Variants in PANK4 observed in about 807,000 individuals in gnomAD.
The protein encoded by PANK4 is 4'-phosphopantetheine phosphatase.
A neutral mutation model predicts 87.9 loss-of-function variants in PANK4; 40 were observed. The ratio of observed to expected loss-of-function variants is 0.46; its 90% CI spans 0.35 to 0.59. PANK4 has a LOEUF of 0.59. PANK4 is among the 20% of genes least tolerant of loss of function. PANK4 has a pLI of 0.00. For missense variants in PANK4, 926 were observed against 1,072.3 expected (o/e 0.86, Z 1.90); for synonymous variants, 524 against 467.4 (o/e 1.12, Z -1.56).
chr1:2,514,665 C>T (rs1570537502), intron 10 of PANK4, among the ~76,000 whole-genome samples, 199 bp from the exon 11 acceptor site: 1 of 56,024 alleles, frequency 1.8e-5, no homozygotes, highest in South Asian at 5.6e-4. Context: ...TGGGGGCTAG[C>T]TATGGGGGGC....
chr1:2,512,037 C>G (rs989490878), intron 13 of PANK4, among the ~76,000 whole-genome samples: 7 of 152,234 alleles, frequency 4.6e-5, no homozygotes, highest in African/African-American at 1.7e-4. Context: ...TCTGAGAGAG[C>G]ACAGGCTGTT....
At chr1:2,514,891 A>C (rs2477713) in intron 10 of PANK4, among the ~76,000 whole-genome samples, 2 of 151,836 alleles carry the variant, frequency 1.3e-5, no homozygotes, top group Admixed American at 1.3e-4. Flanking sequence ...ACCCGAGGCC[A>C]AGACCCACGT....
intron 13 of PANK4, among the ~76,000 whole-genome samples, 195 bp from the exon 14 acceptor site, chr1:2,511,878 G>C (rs1332621427): frequency 1.3e-5 from 2 of 152,084 alleles, no homozygotes; most frequent in African/African-American, 4.8e-5. Flanking sequence ...AGGCAGGACA[G>C]AGGCAGCTGC....
rs781554595 is a variant in PANK4 at position 2,514,032 on chromosome 1, G to C, written c.1545C>G (p.Asn515Lys). ...AGTAGGGATCCGGGAAGTTGAACTC[G>C]TTCAGACAGTGCTCCCTGGTGTCCA... ...SLLDTREHCL[N>K]EFNFPDPYSK... is the part of the protein sequence containing the mutation. Residue 515 changes from asparagine (N) to lysine (K), a missense_variant, in exon 12 of 19, where the codon AAC becomes AAG. Transcript: ENST00000378466. 3 of 1,612,796 alleles carry C rather than the reference G, an allele frequency of 1.9e-6. No individual in the cohort carries two copies. The South Asian group carries it at 3.3e-5, about 18-fold the overall frequency.
At chr1:2,525,958 C>T (rs2100803306) in intron 1 of PANK4, 1 of 152,320 alleles carries the variant, frequency 6.6e-6, no homozygotes, top group African/African-American at 2.4e-5. Context: ...CACAGCTGGC[C>T]ACGCCGCGGG....
chr1:2,511,547 C>T, intron 14 of PANK4, 81 bp downstream of exon 14: 1 of 1,160,010 alleles, frequency 8.6e-7, no homozygotes, highest in Non-Finnish European at 1.3e-6. Context: ...ACCCCGACCG[C>T]AACTGCATTC....
Position 2,519,331 on chromosome 1 carries a change from A to C in PANK4, c.854-7T>G, listed in dbSNP as rs530601132. On this transcript the variant is annotated splice_polypyrimidine_tract_variant and splice_region_variant and intron_variant, in intron 6 of 18. Transcript: ENST00000378466. The surrounding 1 kb of genome is among the most constrained non-coding windows in gnomAD (Gnocchi z 8.3). ...ATGTCTTCTTTGGAGAACTCTGAGG[A>C]AGGGAAGGAAAAGGCACTCATCTCC... is the stretch of plus-strand genomic sequence containing the variant. 601 of 1,596,494 alleles carry C rather than the reference A, an allele frequency of 3.8e-4. 7 individuals carry two copies. In the South Asian group the frequency reaches 6.2e-3, roughly 17 times the overall value.
rs758122711 is a variant in PANK4, at chr1:2,515,428, T to G, written c.1374+134A>C. ...TGAGAAACCAAAATCGCCCCCTCAC[T>G]CAGACGCAGATCAAGGGGTTTCTGG... On this transcript the variant is annotated intron_variant, in intron 10 of 18. Coordinates refer to ENST00000378466, the MANE Select transcript of PANK4 (RefSeq NM_018216.4). This position sits in a 1 kb window ranked among gnomAD's most constrained non-coding sequence, Gnocchi z 5.0. 9.8e-7 allele frequency: 1 copy of G among 1,017,954 alleles called. No individual in the cohort carries two copies. The highest frequency in any genetic ancestry group is 1.3e-5 in the South Asian group (1 of 75,786). 63.1% of individuals were successfully genotyped at this position (1,017,954 alleles called of 1,614,324 possible).
intron 1 of PANK4, among the ~76,000 whole-genome samples, chr1:2,524,408 C>T (rs1205314086): frequency 6.6e-6 from 1 of 152,220 alleles, no homozygotes; most frequent in African/African-American, 2.4e-5. Context: ...CTCCCAGCAG[C>T]TCGGTCAGGA....
chr1:2,519,027 T>C lies in PANK4; in HGVS notation c.1035+116A>G. On this transcript the variant is annotated intron_variant, in intron 7 of 18. Coordinates refer to ENST00000378466, the MANE Select transcript of PANK4 (RefSeq NM_018216.4). This position sits in a 1 kb window ranked among gnomAD's most constrained non-coding sequence, Gnocchi z 8.3. ...TCAGAAGGGAGGGGTGCTGGGCTTC[T>C]TGGCCCCCACCCTCCAGGCCTCCCT... 1 of 978,264 alleles carries C rather than the reference T, an allele frequency of 1.0e-6. No individual in the cohort carries two copies. The allele number at this position is 978,264 out of a possible 1,614,324, so 60.6% of individuals were successfully genotyped here.
chr1:2,508,651 A>ACC lies in PANK4; in HGVS notation c.*195_*196insGG. 1 of 504,488 alleles carries ACC rather than the reference A, an allele frequency of 2.0e-6. No individual in the cohort carries two copies. The allele number at this position is 504,488 out of a possible 1,614,324, so 31.3% of individuals were successfully genotyped here. A position where few individuals can be genotyped will look rare whatever the true frequency, so the allele number is the denominator to read the frequency against. ...ATATAAAAGGTTCTTTAGCAGTTAA[A>ACC]TAGATTCCAATATGAACGTCTCCCA... On this transcript the variant is annotated 3_prime_UTR_variant, in exon 19 of 19. Coordinates refer to ENST00000378466, the MANE Select transcript of PANK4 (RefSeq NM_018216.4). The surrounding 1 kb of genome is among the most constrained non-coding windows in gnomAD (Gnocchi z 5.1).
rs772909290 is a variant in PANK4, at chr1:2,519,983, G to A, written c.700-29C>T. On this transcript the variant is annotated intron_variant, in intron 5 of 18. Coordinates refer to ENST00000378466, the MANE Select transcript of PANK4 (RefSeq NM_018216.4). This position sits in a 1 kb window ranked among gnomAD's most constrained non-coding sequence, Gnocchi z 8.3. ...CAGGACACGGCGAGGGGGCGGGTGA[G>A]GCGCCAGGAGCTGCTGGAATCCCCA... The A allele has an allele frequency of 1.8e-5, 27 of 1,524,022 alleles. No homozygotes were observed. Among genetic ancestry groups the A allele is most frequent in the Non-Finnish European group, 1.2e-5 (14 of 1,129,732 alleles). The allele number at this position is 1,524,022 out of a possible 1,614,324, so 94.4% of individuals were successfully genotyped here.
At position 2,508,756 on chromosome 1, in the gene PANK4, T is replaced by C; in HGVS notation, c.*91A>G. 1 of 793,060 alleles carries C rather than the reference T, an allele frequency of 1.3e-6. No individual in the cohort carries two copies. The highest frequency in any genetic ancestry group is 1.6e-5 in the South Asian group (1 of 61,922). 49.1% of individuals were successfully genotyped at this position (793,060 alleles called of 1,614,324 possible). ...TGTGCCGCGTCACAGCAGTACCATA[T>C]AAATACGTTGATTTGAACGCAGTTT... is the stretch of plus-strand genomic sequence containing the variant. On this transcript the variant is annotated 3_prime_UTR_variant, in exon 19 of 19. Transcript: ENST00000378466. This position sits in a 1 kb window ranked among gnomAD's most constrained non-coding sequence, Gnocchi z 5.1.
chr1:2,521,877 C>T, intron 1 of PANK4, 77 bp from the exon 2 acceptor site: 1 of 1,100,162 alleles, frequency 9.1e-7, no homozygotes. Context: ...CCCACACTCT[C>T]TGGGTGTCCT....
intron 10 of PANK4, among the ~76,000 whole-genome samples, chr1:2,514,766 G>GA (rs951982647): frequency 2.0e-4 from 30 of 152,156 alleles, no homozygotes; most frequent in African/African-American, 7.2e-4. Context: ...ACTGGAACAG[G>GA]AAAGGCTGAC....
chr1:2,526,413 G>C, intron 1 of PANK4, 51 bp downstream of exon 1: 12 of 645,098 alleles, frequency 1.9e-5, no homozygotes, highest in South Asian at 6.0e-5. Context: ...GCCCACCGCC[G>C]GCGCCCCGCC....
Position 2,521,760 on chromosome 1 carries a change from C to T in PANK4, c.165G>A (p.Gln55=). The T allele has an allele frequency of 6.2e-7, 1 of 1,614,032 alleles. No homozygotes were observed. The highest frequency in any genetic ancestry group is 8.5e-7 in the Non-Finnish European group (1 of 1,179,990). The part of the protein sequence containing the change: ...LTKLAYYSTV[Q]HKVAKVRSFD... ...AAGACCGCACCTTGGCGACTTTGTG[C>T]TGTACCGTTGAATAGTAGGCCAGCT... Residue 55 remains glutamine (Q), a synonymous_variant, in exon 2 of 19, where the codon CAG becomes CAA. Coordinates refer to ENST00000378466, the MANE Select transcript of PANK4 (RefSeq NM_018216.4).
rs755885428 is a variant in PANK4 at position 2,518,020 on chromosome 1, C to A, written c.1218+144G>T. On this transcript the variant is annotated intron_variant, in intron 9 of 18. Transcript: ENST00000378466. The stretch of plus-strand genomic sequence containing the variant: ...TGTCCTTCTCTTGCCCCTAGTTATA[C>A]CCCAGGTCCATGGGAGGATTCGCCA... 2.4e-4 allele frequency: 131 copies of A among 554,432 alleles called. 1 individual carries two copies. The highest frequency in any genetic ancestry group is 5.3e-4 in the East Asian group (17 of 32,296). 34.3% of individuals were successfully genotyped at this position (554,432 alleles called of 1,614,324 possible). A position where few individuals can be genotyped will look rare whatever the true frequency, so the allele number is the denominator to read the frequency against.
rs1643867075 is a variant in PANK4 at position 2,520,623 on chromosome 1, G to C, written c.606+100C>G. On this transcript the variant is annotated intron_variant, in intron 4 of 18. Coordinates refer to ENST00000378466, the MANE Select transcript of PANK4 (RefSeq NM_018216.4). This position sits in a 1 kb window ranked among gnomAD's most constrained non-coding sequence, Gnocchi z 6.2. ...CTCGCCACCCCCCTCCCGCCCACTG[G>C]GCCCCATCCATGTGCCCAGCCCTGG... The C allele has an allele frequency of 4.8e-6, 6 of 1,238,998 alleles. No homozygotes were observed. Among genetic ancestry groups the C allele is most frequent in the Non-Finnish European group, 5.8e-6 (5 of 866,504 alleles). 76.8% of individuals were successfully genotyped at this position (1,238,998 alleles called of 1,614,324 possible).
Sources: gnomAD v4.1 joint callset for allele counts (sites outside exome capture counted in the v4.1 genomes callset) on GRCh38, gnomAD v4.1.1 for gene constraint, Gnocchi (gnomAD v3.1) non-coding constraint, MANE v1.5 for transcripts, NCBI Gene and HGNC (gene_info 2026-07-23, HGNC 2026-07-21) for gene names.